SNRNP200: variants seen among roughly 807,000 people sequenced by gnomAD.
The protein encoded by SNRNP200 is U5 small nuclear ribonucleoprotein 200 kDa helicase.
In SNRNP200, 66 loss-of-function variants were observed where a neutral mutation model predicts 255.2. That is an observed-to-expected ratio of 0.26 (90% CI 0.21 to 0.32). The LOEUF is 0.32. SNRNP200 is among the 10% of genes least tolerant of loss of function. The pLI, the probability that SNRNP200 is intolerant of heterozygous loss-of-function variation, is 1.00. For missense variants in SNRNP200, 1,585 were observed against 2,749.8 expected, an observed-to-expected ratio of 0.58 and a Z score of 9.47; for synonymous variants, 939 against 1,027.8, an observed-to-expected ratio of 0.91 and a Z score of 1.65.
rs750422946 is a variant in SNRNP200, at chr2:96,296,651, C to T, written c.1556G>A (p.Arg519Gln). 6.2e-7 allele frequency: 1 copy of T among 1,614,160 alleles called. No individual in the cohort carries two copies. The highest frequency in any genetic ancestry group is 8.5e-7 in the Non-Finnish European group (1 of 1,180,024). ...CATGTTTATGTGTTTCCCAATCTCT[C>T]GGAGCATGCACATCAGGGCCACGTT... ...KTNVALMCMLREIGKHINMDG... is the reference protein window; with the variant it reads ...KTNVALMCMLQEIGKHINMDG... The change falls in exon 13 of 45, where the codon CGA (arginine) becomes CAA (glutamine). Residue 519 changes from arginine (R) to glutamine (Q), a missense_variant. Arg to Gln is a conservative substitution (Grantham distance 43, BLOSUM62 1). Around this residue, in one of 9 missense-constraint regions of SNRNP200, gnomAD observed 383 missense variants for 645.3 expected, o/e 0.59. Transcript: ENST00000323853.
At chr2:96,300,257 A>G (rs1177265789) in intron 5 of SNRNP200, among the ~76,000 whole-genome samples, 1 of 152,218 alleles carries the variant, frequency 6.6e-6, no homozygotes, top group Non-Finnish European at 1.5e-5. Context: ...GACAGTAAAC[A>G]TTAACCCCAG....
Position 96,283,298 on chromosome 2 carries a change from G to A in SNRNP200, c.4818C>T (p.Asp1606=), listed in dbSNP as rs573289061. 67 of 1,614,078 alleles carry A rather than the reference G, an allele frequency of 4.2e-5. No homozygotes were observed. The East Asian group carries it at 1.4e-3, about 33-fold the overall frequency. Residue 1606 remains aspartate, a synonymous_variant, in exon 34 of 45, where the codon GAC becomes GAT. Coordinates refer to ENST00000323853, the MANE Select transcript of SNRNP200 (RefSeq NM_014014.5). This position sits in a 1 kb window ranked among gnomAD's most constrained non-coding sequence, Gnocchi z 4.7. ...TTAGCAGCGTTTCCTTGAGCGTGCTGTCACTTAGCTTCTCCAGGTACGGAA... is the reference window on the plus strand; with the variant it reads ...TTAGCAGCGTTTCCTTGAGCGTGCTATCACTTAGCTTCTCCAGGTACGGAA... ...DLIPYLEKLS[D]STLKETLLNG...
chr2:96,282,873 A>G (rs935263100), intron 34 of SNRNP200: 8 of 424,880 alleles, frequency 1.9e-5, no homozygotes, highest in African/African-American at 1.6e-4. Context: ...CAATACAAGA[A>G]CGGACTAATA....
Position 96,286,700 on chromosome 2 carries a change from C to A in SNRNP200, c.3817G>T (p.Asp1273Tyr). The A allele has an allele frequency of 6.2e-7, 1 of 1,613,690 alleles. No individual in the cohort carries two copies. The highest frequency in any genetic ancestry group is 1.1e-5 in the South Asian group (1 of 91,052). ...PPQYFIRVVS[D>Y]RWLSCETQLP... ...AGGAGACACTCACAGAGCCAGCGGT[C>A]AGACACCACTCGGATGAAGTACTGA... The change falls in exon 28 of 45, where the codon GAC becomes TAC. Residue 1273 changes from aspartate (D) to tyrosine (Y), a missense_variant. By Grantham distance (160) the Asp-to-Tyr change is radical. Coordinates refer to ENST00000323853, the MANE Select transcript of SNRNP200 (RefSeq NM_014014.5). The surrounding 1 kb of genome is among the most constrained non-coding windows in gnomAD (Gnocchi z 4.8).
In SNRNP200 at chr2:96,296,612, T is replaced by C. The variant is rs764544440; in HGVS notation, c.1595A>G (p.Asn532Ser). 1.3e-5 allele frequency: 21 copies of C among 1,614,056 alleles called. 1 individual carries two copies. Among genetic ancestry groups the C allele is most frequent in the Non-Finnish European group, 1.7e-5 (20 of 1,180,030 alleles). The change falls in exon 13 of 45, where the codon AAT (asparagine) becomes AGT (serine). Residue 532 changes from asparagine (N) to serine (S), a missense_variant. By Grantham distance (46) the Asn-to-Ser change is conservative. Coordinates refer to ENST00000323853, the MANE Select transcript of SNRNP200 (RefSeq NM_014014.5). ...GTAGATAATCTTGAAGTCATCCACA[T>C]TGATGGTGCCGTCCATGTTTATGTG... ...GKHINMDGTI[N>S]VDDFKIIYIA...
In SNRNP200 at chr2:96,287,261, T is replaced by C; in HGVS notation, c.3485-101A>G. 3 of 1,465,618 alleles carry C rather than the reference T, an allele frequency of 2.0e-6. No individual in the cohort carries two copies. Among genetic ancestry groups the C allele is most frequent in the South Asian group, 1.1e-5 (1 of 87,378 alleles). 90.8% of individuals were successfully genotyped at this position (1,465,618 alleles called of 1,614,324 possible). A position where few individuals can be genotyped will look rare whatever the true frequency, so the allele number is the denominator to read the frequency against. On this transcript the variant is annotated intron_variant, in intron 26 of 44. Transcript: ENST00000323853. This position sits in a 1 kb window ranked among gnomAD's most constrained non-coding sequence, Gnocchi z 5.7. ...TGGGAAAGGGGTAGGGTCTTCCCTT[T>C]ATGGTCAGTGGAGCCCAGGATTCCA...
chr2:96,277,468 A>G lies in SNRNP200; in HGVS notation c.5931+71T>C, dbSNP rs1333796059. ...TAACTTACTGAGACTCACCTCCCGCAACCCACGCTCGGTCCACAACACTGG... is the reference window on the plus strand; with the variant it reads ...TAACTTACTGAGACTCACCTCCCGCGACCCACGCTCGGTCCACAACACTGG... On this transcript the variant is annotated intron_variant, in intron 41 of 44. Transcript: ENST00000323853. The surrounding 1 kb of genome is among the most constrained non-coding windows in gnomAD (Gnocchi z 4.4). 12 of 1,578,928 alleles carry G rather than the reference A, an allele frequency of 7.6e-6. No individual in the cohort carries two copies. The Admixed American group carries it at 1.7e-4, about 22-fold the overall frequency.
At chr2:96,303,837 A>ATCTCTC (rs2104365883) in intron 2 of SNRNP200, among the ~76,000 whole-genome samples, 1 of 150,782 alleles carries the variant, frequency 6.6e-6, no homozygotes. Context: ...TTGCCGTGAG[A>ATCTCTC]GAGATCACGC....
intron 34 of SNRNP200, chr2:96,282,980 T>C: frequency 3.2e-6 from 2 of 631,704 alleles, no homozygotes; most frequent in South Asian, 1.8e-5. Context: ...CAACCTGATG[T>C]GTCTGCCTGT....
rs1356547723 is a variant in SNRNP200, at chr2:96,277,808, T to A, written c.5753A>T (p.Lys1918Met). Residue 1918 changes from lysine (K) to methionine (M), a missense_variant and splice_region_variant, in exon 40 of 45, where the codon AAG becomes ATG. By Grantham distance (95) the Lys-to-Met change is moderately conservative. This residue lies in a region of SNRNP200 where 279 missense variants were observed against 551.2 expected (regional missense o/e 0.51). Transcript: ENST00000323853. This position sits in a 1 kb window ranked among gnomAD's most constrained non-coding sequence, Gnocchi z 4.4. ...CTCTGCCCCACACCCACACTCTACC[T>A]TACTAAGGATTTCCTCCGTATCTGA... ...LQSDTEEILS[K>M]AIRLIQACVD... The A allele has an allele frequency of 6.2e-7, 1 of 1,614,108 alleles. No homozygotes were observed. The highest frequency in any genetic ancestry group is 1.3e-5 in the African/African-American group (1 of 74,938).
At position 96,291,457 on chromosome 2, in the gene SNRNP200, G is replaced by C. The variant is rs2063883494; in HGVS notation, c.2356C>G (p.His786Asp). Residue 786 changes from histidine to aspartate, a missense_variant, in exon 18 of 45, where the codon CAC becomes GAC. His to Asp is a moderately conservative substitution (Grantham distance 81, BLOSUM62 -1). This residue lies in a region of SNRNP200 where 140 missense variants were observed against 274.9 expected (regional missense o/e 0.51). Coordinates refer to ENST00000323853, the MANE Select transcript of SNRNP200 (RefSeq NM_014014.5). The surrounding 1 kb of genome is among the most constrained non-coding windows in gnomAD (Gnocchi z 4.2). ...DLLPYGFAIH[H>D]AGMTRVDRTL... ...CGGTCAACCCTGGTCATGCCTGCGT[G>C]ATGAATAGCAAAGCCATAAGGCAGA... 6.2e-7 allele frequency: 1 copy of C among 1,613,268 alleles called. No homozygotes were observed. Among genetic ancestry groups the C allele is most frequent in the African/African-American group, 1.3e-5 (1 of 74,904 alleles).
At position 96,287,738 on chromosome 2, in the gene SNRNP200, A is replaced by G; in HGVS notation, c.3365+125T>C. On this transcript the variant is annotated intron_variant, in intron 25 of 44. Coordinates refer to ENST00000323853, the MANE Select transcript of SNRNP200 (RefSeq NM_014014.5). This position sits in a 1 kb window ranked among gnomAD's most constrained non-coding sequence, Gnocchi z 5.7. Reference sequence around the variant, plus strand: ...GCCTTCCCTCTTCTCAATGTGCACCAAGGTTCAGGTCATACTTCCGATGTC... The same window carrying G: ...GCCTTCCCTCTTCTCAATGTGCACCGAGGTTCAGGTCATACTTCCGATGTC... The G allele has an allele frequency of 1.0e-6, 1 of 961,058 alleles. No homozygotes were observed. The highest frequency in any genetic ancestry group is 1.7e-6 in the Non-Finnish European group (1 of 586,960). 59.5% of individuals were successfully genotyped at this position (961,058 alleles called of 1,614,324 possible).
rs1684617140 is a variant in SNRNP200, at chr2:96,274,384, A to T, written c.*628T>A. 1 of 156,492 alleles carries T rather than the reference A, an allele frequency of 6.4e-6. No homozygotes were observed. The highest frequency in any genetic ancestry group is 1.4e-5 in the Non-Finnish European group (1 of 70,678). 9.7% of individuals were successfully genotyped at this position (156,492 alleles called of 1,614,324 possible). On this transcript the variant is annotated 3_prime_UTR_variant, in exon 45 of 45. Coordinates refer to ENST00000323853, the MANE Select transcript of SNRNP200 (RefSeq NM_014014.5). ...TAAGACTGGGTCACATCCAGCTAGT[A>T]CATTTCAGTGCCCTTTCTGGTGCTG...
chr2:96,288,594 T>C (rs1389212410), intron 24 of SNRNP200, 69 bp downstream of exon 24: 1 of 1,366,046 alleles, frequency 7.3e-7, no homozygotes, highest in Non-Finnish European at 1.0e-6. Context: ...TTCCCCAGGA[T>C]GCACACAGCA....
intron 13 of SNRNP200, 152 bp from the exon 14 acceptor site, chr2:96,295,810 T>G: frequency 2.5e-6 from 2 of 812,202 alleles, no homozygotes; most frequent in Admixed American, 4.1e-5. Context: ...CATATCTTCC[T>G]CAAACAAATC....
intron 13 of SNRNP200, 132 bp from the exon 14 acceptor site, chr2:96,295,790 A>G (rs1236188302): frequency 1.0e-5 from 9 of 904,120 alleles, no homozygotes; most frequent in Non-Finnish European, 1.4e-5. Context: ...GGCGAATCAG[A>G]TCTTATGAAC....
chr2:96,289,831 C>T lies in SNRNP200; in HGVS notation c.2908G>A (p.Val970Ile). The T allele has an allele frequency of 6.2e-7, 1 of 1,614,164 alleles. No individual in the cohort carries two copies. The highest frequency in any genetic ancestry group is 8.5e-7 in the Non-Finnish European group (1 of 1,180,034). ...AALMLDKNNL[V>I]KYDKKTGNFQ... Reference sequence around the variant, plus strand: ...TTGCCCGTCTTCTTGTCGTACTTGACCAGATTGTTCTTGTCCAGCATCAGG... The same window carrying T: ...TTGCCCGTCTTCTTGTCGTACTTGATCAGATTGTTCTTGTCCAGCATCAGG... The change falls in exon 21 of 45, where the codon GTC (valine) becomes ATC (isoleucine). Residue 970 changes from valine (V) to isoleucine (I), a missense_variant. By Grantham distance (29) the Val-to-Ile change is conservative (BLOSUM62 3). This residue lies in a region of SNRNP200 where 719 missense variants were observed against 1,091.1 expected (regional missense o/e 0.66). Coordinates refer to ENST00000323853, the MANE Select transcript of SNRNP200 (RefSeq NM_014014.5).
At chr2:96,301,495 C>T (rs371515713) in intron 4 of SNRNP200, 29 bp downstream of exon 4, 19 of 1,610,234 alleles carry the variant, frequency 1.2e-5, no homozygotes, top group Non-Finnish European at 1.5e-5. Context: ...AACCAATGAA[C>T]ATGATCAGAA....
At chr2:96,289,001 C>A in intron 23 of SNRNP200, 36 bp downstream of exon 23, 1 of 1,553,086 alleles carries the variant, frequency 6.4e-7, no homozygotes, top group East Asian at 2.3e-5. Context: ...CCACTTAATC[C>A]TCATCCTTAT....
Sources: allele counts gnomAD v4.1 joint callset (sites outside exome capture counted in the v4.1 genomes callset), GRCh38; gene constraint gnomAD v4.1.1; regional missense constraint gnomAD v4.1.1; non-coding constraint Gnocchi (gnomAD v3.1); transcripts MANE v1.5; gene names NCBI Gene and HGNC (gene_info 2026-07-23, HGNC 2026-07-21).